Variants in COG5 observed in about 807,000 individuals in gnomAD.
COG5 encodes the protein conserved oligomeric Golgi complex subunit 5.
A neutral mutation model predicts 110.4 loss-of-function variants in COG5; 86 were observed. That is an observed-to-expected ratio of 0.78 (90% confidence interval 0.65 to 0.93). The LOEUF is 0.93. COG5 is among the 40% of genes least tolerant of loss of function. COG5 has a pLI of 0.00. For synonymous variants in COG5, 360 were observed against 334.6 expected (o/e 1.08, Z -0.83); for missense variants, 1,077 against 987.0 (o/e 1.09, Z -1.22).
chr7:107,222,455 C>A (rs1346501654), intron 19 of COG5, among the ~76,000 whole-genome samples: 1 of 152,188 alleles, frequency 6.6e-6, no homozygotes, highest in African/African-American at 2.4e-5. Flanking sequence ...CCGCCCACCT[C>A]GGCCTTCCAA....
chr7:107,244,758 G>A (rs1801923175), intron 17 of COG5, among the ~76,000 whole-genome samples: 1 of 152,122 alleles, frequency 6.6e-6, no homozygotes, highest in Admixed American at 6.6e-5. Flanking sequence ...GGAGGAAACT[G>A]ATTCCCTGAA....
At chr7:107,388,229 G>A (rs1016598719) in intron 7 of COG5, among the ~76,000 whole-genome samples, 1 of 152,180 alleles carries the variant, frequency 6.6e-6, no homozygotes, top group Non-Finnish European at 1.5e-5. Context: ...GCAAACAGAC[G>A]TTCCACACAA....
intron 1 of COG5, 161 bp downstream of exon 1, chr7:107,563,642 G>A: frequency 1.3e-6 from 1 of 773,672 alleles, no homozygotes; most frequent in Non-Finnish European, 2.3e-6. Context: ...TAAATAGGTT[G>A]GCTAGAACAG....
intron 16 of COG5, among the ~76,000 whole-genome samples, chr7:107,249,961 A>G (rs1445759569): frequency 6.6e-6 from 1 of 152,136 alleles, no homozygotes; most frequent in Non-Finnish European, 1.5e-5. Flanking sequence ...TATATGGAGT[A>G]TAAGTGCCTG....
chr7:107,420,160 A>T (rs1793177482), intron 6 of COG5, among the ~76,000 whole-genome samples: 2 of 152,190 alleles, frequency 1.3e-5, no homozygotes, highest in South Asian at 4.1e-4. Flanking sequence ...AAATGAGAAC[A>T]CCTGTGCTTT....
Position 107,445,771 on chromosome 7 carries a change from C to T in COG5, c.539-33139G>A, listed in dbSNP as rs148747289. Reference sequence around the variant, plus strand: ...TGAATAGTGATACTGCCCCATCAACCATTCACTCATGCACTCATCCATTCT... The same window carrying T: ...TGAATAGTGATACTGCCCCATCAACTATTCACTCATGCACTCATCCATTCT... On this transcript the variant is annotated intron_variant, in intron 6 of 21. Transcript: ENST00000297135. 6.0e-4 allele frequency among the ~76,000 whole-genome samples: 91 copies of T among 152,306 alleles called. 1 individual carries two copies. In the East Asian group the frequency reaches 6.4e-3, roughly 11 times the overall value.
At chr7:107,294,453 GC>G (rs201486917) in intron 12 of COG5, among the ~76,000 whole-genome samples, 4 of 151,918 alleles carry the variant, frequency 2.6e-5, no homozygotes, top group Non-Finnish European at 4.4e-5. Flanking sequence ...CTCTGTGCTG[GC>G]CCCCCCTAAG....
At chr7:107,211,014 G>A (rs1156942189) in intron 20 of COG5, 85 bp downstream of exon 20, 2 of 1,471,472 alleles carry the variant, frequency 1.4e-6, no homozygotes, top group Non-Finnish European at 9.5e-7. Context: ...AGAGGGCCAG[G>A]AATCATTCAG....
At chr7:107,493,679 A>C (rs1798102536) in intron 6 of COG5, among the ~76,000 whole-genome samples, 1 of 152,194 alleles carries the variant, frequency 6.6e-6, no homozygotes, top group African/African-American at 2.4e-5. Flanking sequence ...TCTAGAAAGC[A>C]CAACACTGTT....
rs62482488 is a variant in COG5 at position 107,282,187 on chromosome 7, C to G, written c.1476-788G>C. Among the ~76,000 whole-genome samples, 331 of 152,218 alleles carry G rather than the reference C, an allele frequency of 2.2e-3. 1 individual carries two copies. The highest frequency in any genetic ancestry group is 3.8e-3 in the Non-Finnish European group (261 of 68,006). On this transcript the variant is annotated intron_variant, in intron 13 of 21. Coordinates refer to ENST00000297135, the MANE Select transcript of COG5 (RefSeq NM_006348.5). ...AAGTTTGAAACAATACTAGAGCATACTATGTGTAACAAAAATGCACTTTCA... is the reference window on the plus strand; with the variant it reads ...AAGTTTGAAACAATACTAGAGCATAGTATGTGTAACAAAAATGCACTTTCA...
chr7:107,252,348 G>T (rs1343366390), intron 16 of COG5, among the ~76,000 whole-genome samples: 1 of 152,084 alleles, frequency 6.6e-6, no homozygotes, highest in Admixed American at 6.6e-5. Context: ...GCTCATTCAA[G>T]AAGAATAGAT....
At chr7:107,209,009 G>A (rs1175823743) in intron 21 of COG5, 82 of 972,988 alleles carry the variant, frequency 8.4e-5, no homozygotes, top group Non-Finnish European at 1.0e-4. Context: ...TCTGAGGTAG[G>A]CAAGGGTGAG....
chr7:107,543,434 C>A (rs1445239169), intron 5 of COG5, among the ~76,000 whole-genome samples: 1 of 152,166 alleles, frequency 6.6e-6, no homozygotes, highest in Admixed American at 6.5e-5. Context: ...CCCCGCCCGA[C>A]TCCAGGCCAG....
At chr7:107,507,488 T>C (rs1227914852) in intron 6 of COG5, among the ~76,000 whole-genome samples, 4 of 137,666 alleles carry the variant, frequency 2.9e-5, no homozygotes, top group East Asian at 2.2e-4. Context: ...TTTTTTTTTT[T>C]AGTAGACACA....
At chr7:107,426,682 G>A (rs964439317) in intron 6 of COG5, among the ~76,000 whole-genome samples, 1 of 152,116 alleles carries the variant, frequency 6.6e-6, no homozygotes, top group Non-Finnish European at 1.5e-5. Context: ...ACCACATTAG[G>A]AGGTAAGAAT....
At chr7:107,396,670 A>T (rs1791038736) in intron 7 of COG5, among the ~76,000 whole-genome samples, 1 of 152,116 alleles carries the variant, frequency 6.6e-6, no homozygotes, top group African/African-American at 2.4e-5. Context: ...AATGATCAAT[A>T]TGGAGAAGAA....
chr7:107,473,864 T>A (rs2129111624), intron 6 of COG5, among the ~76,000 whole-genome samples: 1 of 152,110 alleles, frequency 6.6e-6, no homozygotes, highest in African/African-American at 2.4e-5. Flanking sequence ...TTCTTTTATA[T>A]CAAAACAATG....
At chr7:107,297,488 G>A (rs536212150) in intron 12 of COG5, among the ~76,000 whole-genome samples, 66 of 104,766 alleles carry the variant, frequency 6.3e-4, no homozygotes, top group Admixed American at 4.1e-3. Context: ...TCATTTTGTC[G>A]CCCAGGCTGG....
intron 6 of COG5, among the ~76,000 whole-genome samples, chr7:107,523,259 T>G (rs547672429): frequency 3.3e-5 from 5 of 152,164 alleles, no homozygotes; most frequent in Non-Finnish European, 5.9e-5. Context: ...GTCTGTCATA[T>G]TTTTATGCTG....
Sources: gnomAD v4.1 joint callset for allele counts (sites outside exome capture counted in the v4.1 genomes callset) on GRCh38, gnomAD v4.1.1 for gene constraint, MANE v1.5 for transcripts, NCBI Gene and HGNC (gene_info 2026-07-23, HGNC 2026-07-21) for gene names.